The following TBL1X variants were observed in gnomAD, a reference collection of about 807,000 sequenced individuals.
The protein encoded by TBL1X is F-box-like/WD repeat-containing protein TBL1X.
In TBL1X, 10 loss-of-function variants were observed where a neutral mutation model predicts 50.7. That is an observed-to-expected ratio of 0.20 (90% CI 0.12 to 0.33). TBL1X has a LOEUF of 0.33. Among genes scored for constraint, TBL1X ranks in the 10% least tolerant of loss-of-function variants. The pLI is 1.00. For synonymous variants in TBL1X, 190 were observed against 214.7 expected (o/e 0.88, Z 1.01); for missense variants, 340 against 504.4 (o/e 0.67, Z 3.12).
chrX:9,634,008 A>C (rs1180062978), intron 2 of TBL1X, among the ~76,000 whole-genome samples: 1 of 111,668 alleles, frequency 9.0e-6, no homozygotes, highest in Non-Finnish European at 1.9e-5. Flanking sequence ...GACCGACTAG[A>C]CATTTATTGT....
intron 1 of TBL1X, among the ~76,000 whole-genome samples, chrX:9,472,439 CTT>C (rs63196061): frequency 1.1e-5 from 1 of 89,665 alleles, no homozygotes; most frequent in Non-Finnish European, 2.2e-5. Flanking sequence ...TTTTTTCTTT[CTT>C]TTTTTTTTTT....
chrX:9,482,761 G>T (rs943589888), intron 1 of TBL1X, among the ~76,000 whole-genome samples: 5 of 110,904 alleles, frequency 4.5e-5, no homozygotes, highest in African/African-American at 1.3e-4. Flanking sequence ...GCCAAAGGGG[G>T]TATTGAAACC....
At chrX:9,584,215 G>A (rs768963659) in intron 2 of TBL1X, among the ~76,000 whole-genome samples, 1 of 112,145 alleles carries the variant, frequency 8.9e-6, no homozygotes, top group East Asian at 2.8e-4. Flanking sequence ...TTGGGATTTA[G>A]CTCATGGACA....
intron 2 of TBL1X, among the ~76,000 whole-genome samples, chrX:9,552,034 T>TC (rs1180736715): frequency 8.9e-6 from 1 of 111,916 alleles, no homozygotes; most frequent in African/African-American, 3.2e-5. Context: ...AAACGGGTGG[T>TC]CCAAGAGAGG....
At chrX:9,546,649 T>C (rs1044704023) in intron 2 of TBL1X, among the ~76,000 whole-genome samples, 1 of 111,372 alleles carries the variant, frequency 9.0e-6, no homozygotes. Context: ...CCAAAAATAT[T>C]TTCTATTTAG....
At chrX:9,534,593 A>G (rs1467526106) in intron 2 of TBL1X, among the ~76,000 whole-genome samples, 3 of 110,285 alleles carry the variant, frequency 2.7e-5, no homozygotes. Context: ...AGTGTTGAGT[A>G]TTTTCCTTTT....
intron 2 of TBL1X, among the ~76,000 whole-genome samples, chrX:9,552,146 C>G (rs899526705): frequency 1.8e-5 from 2 of 111,890 alleles, no homozygotes; most frequent in Non-Finnish European, 3.8e-5. Flanking sequence ...CTCTTGGCTT[C>G]AAGATAACAT....
chrX:9,685,554 C>A (rs771963706), intron 6 of TBL1X, among the ~76,000 whole-genome samples: 18 of 111,158 alleles, frequency 1.6e-4, no homozygotes, highest in African/African-American at 5.2e-4. Context: ...TCATCCATCC[C>A]ACCTGGCAGT....
intron 13 of TBL1X, among the ~76,000 whole-genome samples, chrX:9,705,484 G>A (rs1172441459): frequency 9.0e-6 from 1 of 111,598 alleles, no homozygotes; most frequent in Non-Finnish European, 1.9e-5. Flanking sequence ...ACTAAGTGTG[G>A]TGGCTTATGC....
chrX:9,634,113 T>C (rs777736225), intron 2 of TBL1X, among the ~76,000 whole-genome samples: 1 of 111,909 alleles, frequency 8.9e-6, no homozygotes, highest in Admixed American at 9.5e-5. Context: ...TCCTAAATTC[T>C]TCATCTTTGC....
chrX:9,524,689 G>A (rs1467837733), intron 2 of TBL1X, among the ~76,000 whole-genome samples: 1 of 112,332 alleles, frequency 8.9e-6, no homozygotes, highest in Middle Eastern at 4.6e-3. Flanking sequence ...AAACTTGCCT[G>A]CACAAATATT....
At chrX:9,619,803 C>T (rs931931828) in intron 2 of TBL1X, among the ~76,000 whole-genome samples, 1 of 111,665 alleles carries the variant, frequency 9.0e-6, no homozygotes, top group Non-Finnish European at 1.9e-5. Context: ...CTTACATCCT[C>T]ATGCTTGGGT....
chrX:9,691,731 G>GGA lies in TBL1X; in HGVS notation c.749+21_749+22insAG, dbSNP rs1281286393. ...CTCCGGGTAAGGATGTCAGGGTGGG[G>GGA]GGCGCTCCAGAGTTGGGGAGATGGG... On this transcript the variant is annotated intron_variant, in intron 8 of 17. Transcript: ENST00000645353. 2 of 1,208,564 alleles carry GGA rather than the reference G, an allele frequency of 1.7e-6. No homozygotes were observed. Among genetic ancestry groups the GGA allele is most frequent in the African/African-American group, 3.5e-5 (2 of 57,415 alleles).
intron 2 of TBL1X, among the ~76,000 whole-genome samples, chrX:9,505,701 A>T (rs1355881413): frequency 1.8e-5 from 2 of 112,345 alleles, no homozygotes; most frequent in Non-Finnish European, 3.8e-5. Flanking sequence ...AAACAGACAA[A>T]GAAGGGCATT....
intron 3 of TBL1X, among the ~76,000 whole-genome samples, chrX:9,646,662 A>C (rs1237730158): frequency 2.7e-5 from 3 of 111,862 alleles, no homozygotes; most frequent in Non-Finnish European, 5.6e-5. Context: ...CCATCCCTCC[A>C]AGCAATGGAT....
At chrX:9,500,111 C>G (rs1303897283) in intron 1 of TBL1X, among the ~76,000 whole-genome samples, 2 of 107,377 alleles carry the variant, frequency 1.9e-5, no homozygotes, top group Non-Finnish European at 3.8e-5. Flanking sequence ...ATAACAAGAC[C>G]CCATCTCTTT....
chrX:9,532,547 G>T (rs2082167583), intron 2 of TBL1X, among the ~76,000 whole-genome samples: 1 of 111,103 alleles, frequency 9.0e-6, no homozygotes, highest in Non-Finnish European at 1.9e-5. Flanking sequence ...CTGGGCCCGC[G>T]GGCTTGCCTT....
rs891357393 is a variant in TBL1X at position 9,558,040 on chromosome X, G to A, written c.-131+56191G>A. The stretch of plus-strand genomic sequence containing the variant: ...TATAAACTGAAGTCAGTTGACTCAA[G>A]TATTTTGCAAATGTCTATGGACCCT... On this transcript the variant is annotated intron_variant, in intron 2 of 17. Transcript: ENST00000645353. Among the ~76,000 whole-genome samples the A allele has an allele frequency of 5.3e-5, 6 of 112,326 alleles. No homozygotes were observed. The Admixed American group carries it at 5.6e-4, about 11-fold the overall frequency.
intron 5 of TBL1X, among the ~76,000 whole-genome samples, chrX:9,677,394 G>A (rs893540413): frequency 9.2e-6 from 1 of 109,174 alleles, no homozygotes; most frequent in Non-Finnish European, 1.9e-5. Context: ...GATTGGACAA[G>A]TGTGTTAACC....
Sources: gnomAD v4.1 joint callset for allele counts (sites outside exome capture counted in the v4.1 genomes callset) on GRCh38, gnomAD v4.1.1 for gene constraint, MANE v1.5 for transcripts, NCBI Gene and HGNC (gene_info 2026-07-23, HGNC 2026-07-21) for gene names.